The following DOCK9 variants were observed in gnomAD, a reference collection of about 807,000 sequenced individuals.
DOCK9 encodes the protein dedicator of cytokinesis 9.
A neutral mutation model predicts 263.3 loss-of-function variants in DOCK9; 89 were observed. That is an observed-to-expected ratio of 0.34 (90% confidence interval 0.28 to 0.40). DOCK9 has a LOEUF of 0.40. Ranked by LOEUF, DOCK9 falls within the 10% of genes least tolerant of loss-of-function variation. The pLI is 1.00. For synonymous variants in DOCK9, 976 were observed against 973.1 expected (o/e 1.00, Z -0.06); for missense variants, 2,140 against 2,603.4 (o/e 0.82, Z 3.87).
At chr13:98,960,822 T>C (rs1438737871) in intron 1 of DOCK9, among the ~76,000 whole-genome samples, 1 of 152,170 alleles carries the variant, frequency 6.6e-6, no homozygotes, top group Non-Finnish European at 1.5e-5. Flanking sequence ...TGATCAATCA[T>C]GATGCCCCAG....
Position 98,794,206 on chromosome 13 carries a change from A to T in DOCK9, c.*420T>A, listed in dbSNP as rs1219559507. 1 of 161,278 alleles carries T rather than the reference A, an allele frequency of 6.2e-6. No homozygotes were observed. Among genetic ancestry groups the T allele is most frequent in the Non-Finnish European group, 1.3e-5 (1 of 74,260 alleles). 10.0% of individuals were successfully genotyped at this position (161,278 alleles called of 1,614,324 possible). A position where few individuals can be genotyped will look rare whatever the true frequency, so the allele number is the denominator to read the frequency against. On this transcript the variant is annotated 3_prime_UTR_variant, in exon 53 of 53. Coordinates refer to ENST00000682017, the MANE Select transcript of DOCK9 (RefSeq NM_001366683.2). ...TTCAACCTGAATGTGCCACAGGAAA[A>T]AAAAAATATTTTCAAGATTTTCCAG...
chr13:99,037,614 A>G (rs1888026637), intron 1 of DOCK9, among the ~76,000 whole-genome samples: 1 of 152,242 alleles, frequency 6.6e-6, no homozygotes, highest in African/African-American at 2.4e-5. Flanking sequence ...GCTATTATAG[A>G]TATTTACCCA....
chr13:98,975,950 C>T (rs2060235440), intron 1 of DOCK9, among the ~76,000 whole-genome samples: 1 of 152,214 alleles, frequency 6.6e-6, no homozygotes, highest in African/African-American at 2.4e-5. Context: ...AACAAGTTGC[C>T]TTTCCAGCAG....
At chr13:99,049,686 C>T (rs1206786275) in intron 1 of DOCK9, among the ~76,000 whole-genome samples, 2 of 152,114 alleles carry the variant, frequency 1.3e-5, no homozygotes, top group Non-Finnish European at 2.9e-5. Context: ...AGCTAATTTT[C>T]TACAATTTTT....
At chr13:98,828,658 G>A (rs992881799) in intron 43 of DOCK9, among the ~76,000 whole-genome samples, 1 of 152,202 alleles carries the variant, frequency 6.6e-6, no homozygotes, top group African/African-American at 2.4e-5. Flanking sequence ...GACACTGAAT[G>A]AGTTCTCCTA....
At chr13:98,984,276 C>T (rs1877928895) in intron 1 of DOCK9, among the ~76,000 whole-genome samples, 1 of 152,148 alleles carries the variant, frequency 6.6e-6, no homozygotes, top group South Asian at 2.1e-4. Flanking sequence ...GGAATTTAAA[C>T]ATCAGGCATG....
chr13:98,945,091 T>C (rs926616191), intron 2 of DOCK9, among the ~76,000 whole-genome samples: 2 of 152,234 alleles, frequency 1.3e-5, no homozygotes, highest in African/African-American at 4.8e-5. Context: ...CACTTCCTTT[T>C]CCTACAATAT....
intron 51 of DOCK9, 65 bp downstream of exon 51, chr13:98,797,324 C>T: frequency 6.2e-7 from 1 of 1,609,494 alleles, no homozygotes; most frequent in Non-Finnish European, 8.5e-7. Flanking sequence ...GCAGCATCTC[C>T]TTCCCGAATG....
chr13:99,038,786 C>G (rs940463188), intron 1 of DOCK9, among the ~76,000 whole-genome samples: 1 of 152,080 alleles, frequency 6.6e-6, no homozygotes, highest in African/African-American at 2.4e-5. Flanking sequence ...AGGGGGATTA[C>G]GAAAGGGAAG....
rs574407193 is a variant in DOCK9 at position 98,914,925 on chromosome 13, T to C, written c.892+404A>G. Among the ~76,000 whole-genome samples the C allele has an allele frequency of 3.3e-4, 51 of 152,342 alleles. 1 individual carries two copies. Among genetic ancestry groups the C allele is most frequent in the African/African-American group, 1.2e-3 (51 of 41,588 alleles). On this transcript the variant is annotated intron_variant, in intron 8 of 52. Coordinates refer to ENST00000682017, the MANE Select transcript of DOCK9 (RefSeq NM_001366683.2). ...TATTTTATAATACAGTAAAATTCTA[T>C]GCCAGATACTTGAGATTCATTTTCT... is the stretch of plus-strand genomic sequence containing the variant.
chr13:98,833,070 T>A (rs1594472764), intron 39 of DOCK9: 1 of 152,108 alleles, frequency 6.6e-6, no homozygotes, highest in African/African-American at 2.4e-5. Flanking sequence ...TATCATGAAA[T>A]ACTAAGGTAC....
In DOCK9 at chr13:98,852,967, G is replaced by A. The variant is rs554344126; in HGVS notation, c.3946+441C>T. ...GCCAGGAATATACACACTCTAAATG[G>A]AAGGAATGCTTAGGTCCCCCCACAA... On this transcript the variant is annotated intron_variant, in intron 35 of 52. Coordinates refer to ENST00000682017, the MANE Select transcript of DOCK9 (RefSeq NM_001366683.2). Among the ~76,000 whole-genome samples the A allele has an allele frequency of 2.6e-5, 4 of 152,318 alleles. 1 individual carries two copies. In the South Asian group the frequency reaches 8.3e-4, roughly 32 times the overall value.
intron 9 of DOCK9, among the ~76,000 whole-genome samples, chr13:98,910,343 ATTGT>A (rs1357129869): frequency 6.6e-6 from 1 of 152,220 alleles, no homozygotes; most frequent in African/African-American, 2.4e-5. Context: ...TACAATAAAA[ATTGT>A]TTGGTTCCAT....
At chr13:98,805,879 G>A (rs1317727904) in intron 48 of DOCK9, among the ~76,000 whole-genome samples, 3 of 152,122 alleles carry the variant, frequency 2.0e-5, no homozygotes, top group African/African-American at 7.2e-5. Context: ...TCCTGCCTCA[G>A]CCTCCCAAGT....
chr13:98,797,444 T>C lies in DOCK9; in HGVS notation c.5962A>G (p.Thr1988Ala). Residue 1988 changes from threonine to alanine, a missense_variant, in exon 51 of 53, where the codon ACA (threonine) becomes GCA (alanine). By Grantham distance (58) the Thr-to-Ala change is moderately conservative. Coordinates refer to ENST00000682017, the MANE Select transcript of DOCK9 (RefSeq NM_001366683.2). ...TTGTCAGGATATCGCTTTGTGTTTG[T>C]ATCATCTAAGAAAGCTCGCGCATAT... Reference protein sequence around the residue: ...LAYARAFLDDTNTKRYPDNKV... With the variant: ...LAYARAFLDDANTKRYPDNKV... 2 of 1,613,546 alleles carry C rather than the reference T, an allele frequency of 1.2e-6. No homozygotes were observed.
Position 98,901,770 on chromosome 13 carries a change from A to G in DOCK9, c.1503+8T>C, listed in dbSNP as rs756636637. 4 of 1,612,510 alleles carry G rather than the reference A, an allele frequency of 2.5e-6. No individual in the cohort carries two copies. Among genetic ancestry groups the G allele is most frequent in the Non-Finnish European group, 3.4e-6 (4 of 1,179,264 alleles). ...TTTACCACCCCAAAGCGTAAAAGCC[A>G]TTCATACCTTAGAAGAGTCTGAACT... On this transcript the variant is annotated splice_region_variant and intron_variant, in intron 13 of 52. Transcript: ENST00000682017.
Position 98,946,382 on chromosome 13 carries a change from C to A in DOCK9, c.243+9053G>T, listed in dbSNP as rs114821216. ...AGAACAAGCTGGTGAGACTTGACTC[C>A]CCCTGCCACTCTCCATGGCCTGCTT... On this transcript the variant is annotated intron_variant, in intron 2 of 52. Transcript: ENST00000682017. Among the ~76,000 whole-genome samples, 130 of 152,160 alleles carry A rather than the reference C, an allele frequency of 8.5e-4. 1 individual carries two copies. Among genetic ancestry groups the A allele is most frequent in the African/African-American group, 2.8e-3 (115 of 41,504 alleles).
At chr13:98,843,202 G>A (rs548298166) in intron 38 of DOCK9, among the ~76,000 whole-genome samples, 1 of 152,218 alleles carries the variant, frequency 6.6e-6, no homozygotes, top group South Asian at 2.1e-4. Flanking sequence ...TGGACTCCTG[G>A]GGTTCCCTGG....
chr13:98,921,296 T>C (rs2051944019), intron 6 of DOCK9, among the ~76,000 whole-genome samples: 2 of 152,158 alleles, frequency 1.3e-5, no homozygotes, highest in African/African-American at 4.8e-5. Context: ...TCCCCTAATA[T>C]CCATGGGTCA....
Sources: allele counts gnomAD v4.1 joint callset (sites outside exome capture counted in the v4.1 genomes callset), GRCh38; gene constraint gnomAD v4.1.1; transcripts MANE v1.5; gene names NCBI Gene and HGNC (gene_info 2026-07-23, HGNC 2026-07-21).